The following CSMD1 variants were observed in gnomAD, a reference collection of about 807,000 sequenced individuals.
CSMD1 encodes the protein CUB and sushi domain-containing protein 1.
Under a neutral mutation model 417.5 loss-of-function variants are expected in CSMD1, and 213 were observed. That is an observed-to-expected ratio of 0.51 (90% confidence interval 0.46 to 0.57). The LOEUF (loss-of-function observed/expected upper bound fraction) is 0.57. CSMD1 is among the 20% of genes least tolerant of loss of function. The pLI, the probability that CSMD1 is intolerant of heterozygous loss-of-function variation, is 0.00. For missense variants in CSMD1, 6,923 were observed against 4,529.7 expected, an observed-to-expected ratio of 1.53 and a Z score of -15.17; for synonymous variants, 2,862 against 1,736.8, an observed-to-expected ratio of 1.65 and a Z score of -16.11.
intron 3 of CSMD1, among the ~76,000 whole-genome samples, chr8:4,331,164 C>A (rs559769871): frequency 6.6e-6 from 1 of 152,108 alleles, no homozygotes; most frequent in Non-Finnish European, 1.5e-5. Context: ...AATTATTTGC[C>A]TGATAAGAAT....
chr8:3,145,553 G>A (rs555968736), intron 40 of CSMD1, among the ~76,000 whole-genome samples: 3 of 152,134 alleles, frequency 2.0e-5, no homozygotes, highest in African/African-American at 7.2e-5. Context: ...ATAATATTGT[G>A]AGCAAAATTA....
intron 5 of CSMD1, among the ~76,000 whole-genome samples, chr8:3,967,941 G>A (rs1563264641): frequency 6.7e-6 from 1 of 149,654 alleles, no homozygotes; most frequent in Non-Finnish European, 1.5e-5. Context: ...GCCGAGGTGT[G>A]CGGATCACGA....
intron 1 of CSMD1, among the ~76,000 whole-genome samples, chr8:4,894,398 T>G (rs1563695911): frequency 1.3e-5 from 2 of 151,942 alleles, no homozygotes; most frequent in East Asian, 1.9e-4. Flanking sequence ...TCTCTTTCAC[T>G]CTTTCTCTGC....
chr8:3,286,831 G>T (rs1803198532), intron 25 of CSMD1, among the ~76,000 whole-genome samples: 1 of 152,116 alleles, frequency 6.6e-6, no homozygotes, highest in Admixed American at 6.6e-5. Flanking sequence ...AGTTTATTTA[G>T]ATCCCATTTG....
chr8:4,568,521 T>C (rs887422974), intron 2 of CSMD1, among the ~76,000 whole-genome samples: 2 of 152,218 alleles, frequency 1.3e-5, no homozygotes, highest in Non-Finnish European at 2.9e-5. Flanking sequence ...AGTCTATCAT[T>C]GATGGGCATT....
chr8:3,936,034 T>C (rs546375878), intron 5 of CSMD1, among the ~76,000 whole-genome samples: 4 of 152,244 alleles, frequency 2.6e-5, no homozygotes, highest in Non-Finnish European at 5.9e-5. Context: ...TTATTGCTGA[T>C]ATGGAGAAAG....
intron 25 of CSMD1, among the ~76,000 whole-genome samples, chr8:3,304,703 TTTA>T (rs1374627957): frequency 2.1e-5 from 3 of 142,000 alleles, no homozygotes; most frequent in Non-Finnish European, 4.5e-5. Context: ...ACTGCACGTT[TTTA>T]TTCAAATATT....
intron 3 of CSMD1, among the ~76,000 whole-genome samples, chr8:4,386,290 C>A (rs2128921398): frequency 6.6e-6 from 1 of 152,044 alleles, no homozygotes; most frequent in East Asian, 1.9e-4. Flanking sequence ...TTCCATCCCA[C>A]TCAAACAAAA....
At chr8:3,140,997 G>A (rs996163505) in intron 41 of CSMD1, among the ~76,000 whole-genome samples, 1 of 152,172 alleles carries the variant, frequency 6.6e-6, no homozygotes, top group Non-Finnish European at 1.5e-5. Flanking sequence ...GCTAAGGCAA[G>A]GCATACATAC....
intron 2 of CSMD1, among the ~76,000 whole-genome samples, chr8:4,423,151 G>C (rs185487883): frequency 1.3e-5 from 2 of 152,138 alleles, no homozygotes; most frequent in East Asian, 3.9e-4. Context: ...CAAGAAATTT[G>C]AACAAGTCAA....
At chr8:3,276,640 C>G (rs893042323) in intron 26 of CSMD1, among the ~76,000 whole-genome samples, 1 of 152,122 alleles carries the variant, frequency 6.6e-6, no homozygotes, top group Non-Finnish European at 1.5e-5. Flanking sequence ...GGTGGGGACA[C>G]AGCCAAACCG....
At chr8:3,692,798 C>G (rs1411234496) in intron 7 of CSMD1, among the ~76,000 whole-genome samples, 1 of 152,112 alleles carries the variant, frequency 6.6e-6, no homozygotes, top group Non-Finnish European at 1.5e-5. Flanking sequence ...TATTCTGAGA[C>G]CTCTGGACCC....
chr8:3,278,879 G>C (rs1802515527), intron 26 of CSMD1: 1 of 152,162 alleles, frequency 6.6e-6, no homozygotes, highest in African/African-American at 2.4e-5. Context: ...TGGAGTGAGA[G>C]GGACATAACA....
rs544107207 is a variant in CSMD1 at position 3,182,213 on chromosome 8, C to T, written c.5621-999G>A. On this transcript the variant is annotated intron_variant, in intron 36 of 69. Transcript: ENST00000635120. Reference sequence around the variant, plus strand: ...TTGAAAAGATAAGATTGTCTATCATCCTTAGCTCACCACTTAAACTATCCA... The same window carrying T: ...TTGAAAAGATAAGATTGTCTATCATTCTTAGCTCACCACTTAAACTATCCA... Among the ~76,000 whole-genome samples the T allele has an allele frequency of 5.0e-4, 76 of 152,262 alleles. 1 individual carries two copies. In the South Asian group the frequency reaches 0.011, roughly 22 times the overall value.
At chr8:3,261,351 A>G (rs1585839016) in intron 26 of CSMD1, among the ~76,000 whole-genome samples, 2 of 152,312 alleles carry the variant, frequency 1.3e-5, no homozygotes, top group African/African-American at 4.8e-5. Context: ...ATTCTTGGGC[A>G]TTTATCTCAG....
chr8:4,273,666 C>G (rs139239593), intron 3 of CSMD1, among the ~76,000 whole-genome samples: 64 of 152,184 alleles, frequency 4.2e-4, no homozygotes, highest in African/African-American at 1.5e-3. Context: ...TAATCTGTAG[C>G]AAATAGTTTA....
chr8:3,041,788 G>A (rs1031256905), intron 50 of CSMD1, among the ~76,000 whole-genome samples: 2 of 148,418 alleles, frequency 1.3e-5, no homozygotes, highest in Non-Finnish European at 3.0e-5. Context: ...TTGCCAGCCT[G>A]TCACAGCTTC....
At chr8:3,903,973 T>C (rs1160323357) in intron 5 of CSMD1, among the ~76,000 whole-genome samples, 1 of 152,146 alleles carries the variant, frequency 6.6e-6, no homozygotes, top group Non-Finnish European at 1.5e-5. Flanking sequence ...GAATACCTTG[T>C]TCTGTAGTTT....
chr8:4,702,233 T>C (rs1807607113), intron 1 of CSMD1, among the ~76,000 whole-genome samples: 1 of 152,180 alleles, frequency 6.6e-6, no homozygotes, highest in African/African-American at 2.4e-5. Context: ...GGAACAAACC[T>C]GTGCATGTAC....
Sources: allele counts gnomAD v4.1 joint callset (sites outside exome capture counted in the v4.1 genomes callset), GRCh38; gene constraint gnomAD v4.1.1; transcripts MANE v1.5; gene names NCBI Gene and HGNC (gene_info 2026-07-23, HGNC 2026-07-21).